The following HS6ST3 variants were observed in gnomAD, a reference collection of about 807,000 sequenced individuals.
The protein encoded by HS6ST3 is heparan sulfate 6-O-sulfotransferase 3, also known as heparan-sulfate 6-O-sulfotransferase 3.
Under a neutral mutation model 36.7 loss-of-function variants are expected in HS6ST3, and 12 were observed. The observed-to-expected ratio is 0.33, with a 90% confidence interval of 0.21 to 0.53. HS6ST3 has a LOEUF of 0.53. HS6ST3 is among the 20% of genes least tolerant of loss of function. HS6ST3 has a pLI of 0.95. For missense variants in HS6ST3, 584 were observed against 640.9 expected, an observed-to-expected ratio of 0.91 and a Z score of 0.96; for synonymous variants, 240 against 257.5, an observed-to-expected ratio of 0.93 and a Z score of 0.65.
At chr13:96,683,726 A>G (rs1296178574) in intron 1 of HS6ST3, among the ~76,000 whole-genome samples, 1 of 152,110 alleles carries the variant, frequency 6.6e-6, no homozygotes, top group African/African-American at 2.4e-5. Context: ...TGCAGGAGGT[A>G]AAAACATTAG....
In HS6ST3 at chr13:96,509,522, T is replaced by G. The variant is rs563785416; in HGVS notation, c.708-322968T>G. Among the ~76,000 whole-genome samples the G allele has an allele frequency of 1.5e-4, 23 of 152,346 alleles. 1 individual carries two copies. In the South Asian group the frequency reaches 4.8e-3, roughly 32 times the overall value. ...GATCCATCTTGAGTTGATTTTTGTATAAGGTGAAAGATAGGGATCCAGTTT... is the reference window on the plus strand; with the variant it reads ...GATCCATCTTGAGTTGATTTTTGTAGAAGGTGAAAGATAGGGATCCAGTTT... On this transcript the variant is annotated intron_variant, in intron 1 of 1. Coordinates refer to ENST00000376705, the MANE Select transcript of HS6ST3 (RefSeq NM_153456.4).
chr13:96,131,904 TA>T (rs528253564), intron 1 of HS6ST3, among the ~76,000 whole-genome samples: 25 of 150,636 alleles, frequency 1.7e-4, no homozygotes, highest in African/African-American at 4.9e-4. Context: ...ATGGAAAAGA[TA>T]AAAAAAAAGG....
At position 96,354,243 on chromosome 13, in the gene HS6ST3, GT is replaced by G. The variant is rs2055198752; in HGVS notation, c.707+262677del. Among the ~76,000 whole-genome samples, 3 of 152,278 alleles carry G rather than the reference GT, an allele frequency of 2.0e-5. No homozygotes were observed. The South Asian group carries it at 6.2e-4, about 32-fold the overall frequency. ...TGATATGAAAAGTGATGCAAGTACA[GT>G]TTGGGAACCCTAACATGCAGAACAC... is the stretch of plus-strand genomic sequence containing the variant. On this transcript the variant is annotated intron_variant, in intron 1 of 1. Coordinates refer to ENST00000376705, the MANE Select transcript of HS6ST3 (RefSeq NM_153456.4).
intron 1 of HS6ST3, among the ~76,000 whole-genome samples, chr13:96,223,346 G>T (rs1327896716): frequency 2.0e-5 from 3 of 152,224 alleles, no homozygotes; most frequent in Admixed American, 2.0e-4. Context: ...AGGCGTGCTT[G>T]TTGTGTTGGT....
At chr13:96,722,305 G>A (rs1172880709) in intron 1 of HS6ST3, among the ~76,000 whole-genome samples, 1 of 152,020 alleles carries the variant, frequency 6.6e-6, no homozygotes, top group Non-Finnish European at 1.5e-5. Context: ...AAAATCCCAG[G>A]TTTTCACTGG....
chr13:96,375,496 G>A (rs965788330), intron 1 of HS6ST3, among the ~76,000 whole-genome samples: 3 of 152,096 alleles, frequency 2.0e-5, no homozygotes, highest in Non-Finnish European at 2.9e-5. Flanking sequence ...TCATTTTCCT[G>A]AGCCAATTGA....
intron 1 of HS6ST3, among the ~76,000 whole-genome samples, chr13:96,207,957 G>A (rs1395239469): frequency 6.6e-6 from 1 of 152,034 alleles, no homozygotes; most frequent in Non-Finnish European, 1.5e-5. Context: ...TAACAAACCT[G>A]CACATCCTGC....
In HS6ST3 at chr13:96,351,335, T is replaced by TTTTTTTTTTTTTTTTTTTTTTAAAA. The variant is rs1203595829; in HGVS notation, c.707+259766_707+259767insTTTTTTTTTTTTTTTTTTTTTAAAA. Among the ~76,000 whole-genome samples, 23 of 146,392 alleles carry TTTTTTTTTTTTTTTTTTTTTTAAAA rather than the reference T, an allele frequency of 1.6e-4. 2 individuals are homozygous for TTTTTTTTTTTTTTTTTTTTTTAAAA. The highest frequency in any genetic ancestry group is 5.4e-4 in the African/African-American group (21 of 38,606). On this transcript the variant is annotated intron_variant, in intron 1 of 1. Coordinates refer to ENST00000376705, the MANE Select transcript of HS6ST3 (RefSeq NM_153456.4). ...AGGTGGCAGTCTTTTTTTTTTTTTT[T>TTTTTTTTTTTTTTTTTTTTTTAAAA]AAAAAAAACAAGGTCTTGCTGGGTT...
intron 1 of HS6ST3, among the ~76,000 whole-genome samples, chr13:96,469,462 C>T (rs892242157): frequency 3.3e-5 from 5 of 152,144 alleles, no homozygotes; most frequent in Non-Finnish European, 5.9e-5. Context: ...AGCTCCTCCA[C>T]CTTTCAGCCT....
intron 1 of HS6ST3, among the ~76,000 whole-genome samples, chr13:96,152,316 CTTTTTTTTT>C (rs766489670): frequency 1.0e-5 from 1 of 97,066 alleles, no homozygotes; most frequent in African/African-American, 3.9e-5. Context: ...GGCCCCTTTC[CTTTTTTTTT>C]TTTTTTTTTT....
chr13:96,397,063 G>A (rs1407756220), intron 1 of HS6ST3, among the ~76,000 whole-genome samples: 1 of 152,058 alleles, frequency 6.6e-6, no homozygotes, highest in Non-Finnish European at 1.5e-5. Flanking sequence ...AATTAGCTGG[G>A]CGTGATAGTG....
chr13:96,789,800 T>C (rs891204393), intron 1 of HS6ST3, among the ~76,000 whole-genome samples: 13 of 151,922 alleles, frequency 8.6e-5, no homozygotes, highest in Admixed American at 6.6e-5. Flanking sequence ...TTCTTCTTTA[T>C]GTATGTAATA....
intron 1 of HS6ST3, among the ~76,000 whole-genome samples, chr13:96,196,554 C>T (rs969094126): frequency 6.6e-6 from 1 of 152,152 alleles, no homozygotes; most frequent in Non-Finnish European, 1.5e-5. Flanking sequence ...TTCTCAAGGC[C>T]ATGGGACCAG....
At chr13:96,654,598 T>G (rs979192380) in intron 1 of HS6ST3, among the ~76,000 whole-genome samples, 1 of 152,170 alleles carries the variant, frequency 6.6e-6, no homozygotes, top group Non-Finnish European at 1.5e-5. Flanking sequence ...ACCGTGCTGT[T>G]TTTGTTACTG....
chr13:96,506,517 A>T, intron 1 of HS6ST3, among the ~76,000 whole-genome samples: 1 of 152,294 alleles, frequency 6.6e-6, no homozygotes, highest in African/African-American at 2.4e-5. Context: ...TAAATAGGAT[A>T]GGAAACCATC....
intron 1 of HS6ST3, among the ~76,000 whole-genome samples, chr13:96,317,344 A>ATATATATAAAAT (rs2054976616): frequency 1.6e-4 from 3 of 18,268 alleles, no homozygotes; most frequent in African/African-American, 6.2e-4. Context: ...ATATATATAT[A>ATATATATAAAAT]TATATATATA....
intron 1 of HS6ST3, among the ~76,000 whole-genome samples, chr13:96,707,340 A>T (rs1307876209): frequency 6.6e-6 from 1 of 152,170 alleles, no homozygotes; most frequent in Non-Finnish European, 1.5e-5. Flanking sequence ...CCATGCTGGC[A>T]CCCTGATCTC....
intron 1 of HS6ST3, among the ~76,000 whole-genome samples, chr13:96,117,949 A>C (rs1270410598): frequency 6.6e-6 from 1 of 151,114 alleles, no homozygotes; most frequent in Admixed American, 6.6e-5. Context: ...GGCTCACTGT[A>C]GCCTCCTCCT....
chr13:96,257,109 T>G (rs956379856), intron 1 of HS6ST3, among the ~76,000 whole-genome samples: 1 of 152,166 alleles, frequency 6.6e-6, no homozygotes, highest in African/African-American at 2.4e-5. Context: ...GCTTTAGAGA[T>G]TCTTCCAAAG....
Sources: gnomAD v4.1 joint callset for allele counts (sites outside exome capture counted in the v4.1 genomes callset) on GRCh38, gnomAD v4.1.1 for gene constraint, MANE v1.5 for transcripts, NCBI Gene and HGNC (gene_info 2026-07-23, HGNC 2026-07-21) for gene names.